Variants in SGCD observed in about 807,000 individuals in gnomAD.
SGCD encodes sarcoglycan delta.
SGCD carries 18 observed loss-of-function variants against 36.6 expected under a neutral mutation model. The observed-to-expected ratio is 0.49, with a 90% CI of 0.34 to 0.73. The LOEUF (loss-of-function observed/expected upper bound fraction) is 0.73. Ranked by LOEUF, SGCD falls within the 30% of genes least tolerant of loss-of-function variation. The pLI is 0.01. For synonymous variants in SGCD, 133 were observed against 130.6 expected, an observed-to-expected ratio of 1.02 and a Z score of -0.12; for missense variants, 387 against 346.7, an observed-to-expected ratio of 1.12 and a Z score of -0.92.
rs189821999 is a variant in SGCD, at chr5:156,042,726, A to C, written c.-281-75152A>C. Among the ~76,000 whole-genome samples the C allele has an allele frequency of 3.3e-3, 500 of 152,310 alleles. 3 individuals carry two copies. Among genetic ancestry groups the C allele is most frequent in the African/African-American group, 0.011 (476 of 41,570 alleles). On this transcript the variant is annotated intron_variant, in intron 1 of 9. Transcript: ENST00000517913. The stretch of plus-strand genomic sequence containing the variant: ...GCTGGTGGGCCTGGGGGGAGCCATC[A>C]GTTGTCAGATATGCAGAAACCTGAA...
At chr5:155,732,280 T>C in the SGCD span, among the ~76,000 whole-genome samples, 1 of 152,224 alleles carries the variant, frequency 6.6e-6, no homozygotes, top group Admixed American at 6.5e-5. Context: ...AATTATATAA[T>C]GTGTCTCAGA....
At chr5:156,536,514 G>A (rs557124898) in intron 4 of SGCD, among the ~76,000 whole-genome samples, 2 of 152,258 alleles carry the variant, frequency 1.3e-5, no homozygotes, top group East Asian at 3.9e-4. Flanking sequence ...TAATTAATAT[G>A]TTAAGGAATC....
At chr5:155,793,827 G>A in the SGCD span, among the ~76,000 whole-genome samples, 1 of 151,768 alleles carries the variant, frequency 6.6e-6, no homozygotes, top group Non-Finnish European at 1.5e-5. Context: ...GGAATTATGG[G>A]GATGAGCCAC....
At chr5:155,876,434 G>A (rs1755769355) in intron 1 of SGCD, among the ~76,000 whole-genome samples, 1 of 151,976 alleles carries the variant, frequency 6.6e-6, no homozygotes, top group Non-Finnish European at 1.5e-5. Context: ...CCACATGAAT[G>A]GAAGTGGTTG....
chr5:156,758,506 G>A (rs1238625541), intron 8 of SGCD, among the ~76,000 whole-genome samples: 1 of 151,720 alleles, frequency 6.6e-6, no homozygotes, highest in Non-Finnish European at 1.5e-5. Flanking sequence ...CTTTTGATTG[G>A]TATGGCATTT....
At chr5:156,069,643 T>G (rs1376500613) in intron 1 of SGCD, among the ~76,000 whole-genome samples, 1 of 151,942 alleles carries the variant, frequency 6.6e-6, no homozygotes, top group East Asian at 1.9e-4. Context: ...TAAAGTAGTT[T>G]TTTCCAGTAC....
rs201244141 is a variant in SGCD, at chr5:155,968,730, A to AC, written c.-282+98307dup. On this transcript the variant is annotated intron_variant, in intron 1 of 9. Transcript: ENST00000517913. Reference sequence around the variant, plus strand: ...GGGGGGACTGCCATACATTCTTCTTACGAAACTCCCATAATCAAGAAGAAC... The same window carrying AC: ...GGGGGGACTGCCATACATTCTTCTTACCGAAACTCCCATAATCAAGAAGAAC... Among the ~76,000 whole-genome samples, 886 of 152,152 alleles carry AC rather than the reference A, an allele frequency of 5.8e-3. 18 individuals are homozygous for AC. Among genetic ancestry groups the AC allele is most frequent in the African/African-American group, 0.021 (860 of 41,528 alleles).
chr5:155,837,125 G>C, the SGCD span, among the ~76,000 whole-genome samples: 2 of 151,948 alleles, frequency 1.3e-5, no homozygotes, highest in African/African-American at 4.8e-5. Context: ...TATGTTAATG[G>C]CTACTAGGAT....
chr5:156,178,497 G>A (rs1038446362), intron 3 of SGCD, among the ~76,000 whole-genome samples: 1 of 152,136 alleles, frequency 6.6e-6, no homozygotes, highest in Admixed American at 6.6e-5. Context: ...TTATACATAT[G>A]CATCTCAGGT....
the SGCD span, among the ~76,000 whole-genome samples, chr5:155,829,251 T>C: frequency 6.6e-6 from 1 of 152,328 alleles, no homozygotes; most frequent in East Asian, 1.9e-4. Context: ...AGTGCAGCTC[T>C]TTGCTTTGGC....
chr5:155,876,819 T>C (rs1393674663), intron 1 of SGCD, among the ~76,000 whole-genome samples: 1 of 152,168 alleles, frequency 6.6e-6, no homozygotes, highest in African/African-American at 2.4e-5. Flanking sequence ...ATTCTGCCTT[T>C]ATTTTATGAC....
At chr5:156,132,104 T>G (rs1013875971) in intron 3 of SGCD, among the ~76,000 whole-genome samples, 8 of 152,200 alleles carry the variant, frequency 5.3e-5, no homozygotes, top group Non-Finnish European at 8.8e-5. Flanking sequence ...AGTAATGTTG[T>G]CAAAAGGAAA....
At chr5:156,399,858 C>T in intron 3 of SGCD, among the ~76,000 whole-genome samples, 1 of 152,116 alleles carries the variant, frequency 6.6e-6, no homozygotes, top group East Asian at 1.9e-4. Flanking sequence ...GGGCCTGGAA[C>T]ATAGCAGAAT....
the SGCD span, among the ~76,000 whole-genome samples, chr5:155,774,569 G>T: frequency 1.3e-5 from 2 of 152,076 alleles, no homozygotes. Context: ...CATGTTCCTG[G>T]CTTTTTCAGT....
intron 3 of SGCD, among the ~76,000 whole-genome samples, chr5:156,289,412 G>T (rs950530657): frequency 6.6e-6 from 1 of 151,738 alleles, no homozygotes; most frequent in Non-Finnish European, 1.5e-5. Context: ...CATCACCTGG[G>T]TATTAAGCCC....
chr5:156,361,826 G>A, intron 3 of SGCD, among the ~76,000 whole-genome samples: 1 of 152,138 alleles, frequency 6.6e-6, no homozygotes, highest in East Asian at 1.9e-4. Context: ...CCTATAAAGA[G>A]GTAAACTAAA....
At chr5:156,368,542 G>A (rs1042767316) in intron 3 of SGCD, among the ~76,000 whole-genome samples, 1 of 152,174 alleles carries the variant, frequency 6.6e-6, no homozygotes, top group Non-Finnish European at 1.5e-5. Flanking sequence ...CAAGGCTTCT[G>A]TAGCTTCATT....
At chr5:156,579,211 G>T (rs1325932239) in intron 4 of SGCD, among the ~76,000 whole-genome samples, 1 of 152,194 alleles carries the variant, frequency 6.6e-6, no homozygotes, top group African/African-American at 2.4e-5. Context: ...TTTCCATGTA[G>T]TTGAGTGGTT....
At chr5:155,913,844 G>C (rs968854137) in intron 1 of SGCD, among the ~76,000 whole-genome samples, 1 of 152,206 alleles carries the variant, frequency 6.6e-6, no homozygotes, top group African/African-American at 2.4e-5. Context: ...TGCTCATCTT[G>C]CAAAATTCAG....
Sources: allele counts gnomAD v4.1 joint callset (sites outside exome capture counted in the v4.1 genomes callset), GRCh38; gene constraint gnomAD v4.1.1; transcripts MANE v1.5; gene names NCBI Gene and HGNC (gene_info 2026-07-23, HGNC 2026-07-21).